PTPRK: variants seen among roughly 807,000 people sequenced by gnomAD.
PTPRK encodes the protein receptor-type tyrosine-protein phosphatase kappa.
A neutral mutation model predicts 178.0 loss-of-function variants in PTPRK; 75 were observed. The observed-to-expected ratio is 0.42, with a 90% CI of 0.35 to 0.51. The LOEUF is 0.51. PTPRK is among the 20% of genes least tolerant of loss of function. The pLI, the probability that PTPRK is intolerant of heterozygous loss-of-function variation, is 0.02. For synonymous variants in PTPRK, 637 were observed against 620.6 expected, an observed-to-expected ratio of 1.03 and a Z score of -0.39; for missense variants, 1,441 against 1,797.8, an observed-to-expected ratio of 0.80 and a Z score of 3.59.
chr6:128,513,778 C>T (rs1857520317), intron 1 of PTPRK, among the ~76,000 whole-genome samples: 1 of 152,132 alleles, frequency 6.6e-6, no homozygotes, highest in African/African-American at 2.4e-5. Context: ...TCACAAATTT[C>T]CAGATGATGC....
intron 6 of PTPRK, among the ~76,000 whole-genome samples, chr6:128,215,252 G>A (rs1416990443): frequency 6.6e-6 from 1 of 152,132 alleles, no homozygotes; most frequent in Non-Finnish European, 1.5e-5. Flanking sequence ...GTGGGTCTTC[G>A]GTTTAGACAG....
chr6:128,195,747 C>A (rs538571377), intron 6 of PTPRK, among the ~76,000 whole-genome samples: 1 of 152,046 alleles, frequency 6.6e-6, no homozygotes, highest in African/African-American at 2.4e-5. Flanking sequence ...ATAAGCCTCT[C>A]TTTGGATCAA....
chr6:128,511,514 G>C (rs1029535848), intron 1 of PTPRK, among the ~76,000 whole-genome samples: 3 of 152,152 alleles, frequency 2.0e-5, no homozygotes, highest in African/African-American at 7.2e-5. Flanking sequence ...TTCGGTGGGA[G>C]CTGCCACAGC....
chr6:128,460,717 C>A (rs1242889738), intron 1 of PTPRK, among the ~76,000 whole-genome samples: 1 of 152,190 alleles, frequency 6.6e-6, no homozygotes, highest in East Asian at 1.9e-4. Context: ...GGAGACACAA[C>A]TGCTGTCCCA....
intron 1 of PTPRK, among the ~76,000 whole-genome samples, chr6:128,401,187 G>A (rs1326380648): frequency 6.6e-6 from 1 of 152,154 alleles, no homozygotes; most frequent in Non-Finnish European, 1.5e-5. Flanking sequence ...CACTTAAGGG[G>A]TTGGCAACCT....
rs549969353 is a variant in PTPRK at position 128,459,673 on chromosome 6, C to T, written c.100+60586G>A. On this transcript the variant is annotated intron_variant, in intron 1 of 29. Transcript: ENST00000368226. ...TTCATGGGCTGCCATTTCTAATAAA[C>T]AAGACAATCATGGTACTTATCTATC... Among the ~76,000 whole-genome samples, 3 of 152,106 alleles carry T rather than the reference C, an allele frequency of 2.0e-5. No individual in the cohort carries two copies. The South Asian group carries it at 6.2e-4, about 32-fold the overall frequency.
At chr6:128,086,397 C>T (rs2115013656) in intron 8 of PTPRK, among the ~76,000 whole-genome samples, 1 of 152,050 alleles carries the variant, frequency 6.6e-6, no homozygotes, top group Non-Finnish European at 1.5e-5. Flanking sequence ...GAAAACAAAA[C>T]CTCATACAGA....
intron 1 of PTPRK, among the ~76,000 whole-genome samples, chr6:128,506,772 T>G (rs986776863): frequency 2.6e-5 from 4 of 152,068 alleles, no homozygotes; most frequent in African/African-American, 7.2e-5. Context: ...TATAAAGTGA[T>G]GCTTGTGGTC....
At chr6:128,101,312 AATG>A (rs1788737064) in intron 7 of PTPRK, among the ~76,000 whole-genome samples, 1 of 152,036 alleles carries the variant, frequency 6.6e-6, no homozygotes, top group Non-Finnish European at 1.5e-5. Flanking sequence ...ATGCTAATAT[AATG>A]TTTAAAACAA....
At chr6:128,265,777 T>G (rs2128295203) in intron 3 of PTPRK, among the ~76,000 whole-genome samples, 2 of 152,316 alleles carry the variant, frequency 1.3e-5, no homozygotes, top group Middle Eastern at 3.4e-3. Context: ...ATTAAAAATT[T>G]AAAAATTCAT....
intron 13 of PTPRK, among the ~76,000 whole-genome samples, chr6:128,051,841 C>T (rs889891366): frequency 2.6e-5 from 4 of 152,156 alleles, no homozygotes; most frequent in Non-Finnish European, 5.9e-5. Context: ...TGGTACCCTA[C>T]ACTTGGCTTT....
rs778751405 is a variant in PTPRK at position 128,520,370 on chromosome 6, G to A, written c.-12C>T. The A allele has an allele frequency of 1.3e-6, 2 of 1,598,138 alleles. No individual in the cohort carries two copies. The highest frequency in any genetic ancestry group is 2.3e-5 in the South Asian group (2 of 88,560). On this transcript the variant is annotated 5_prime_UTR_variant, in exon 1 of 30. Coordinates refer to ENST00000368226, the MANE Select transcript of PTPRK (RefSeq NM_002844.4). ...GCAGTCGTATCCATGCCGAGTTTGG[G>A]AGAAGTTTCAAGCAGCTTTGCAAAG...
intron 7 of PTPRK, among the ~76,000 whole-genome samples, chr6:128,144,975 AG>A: frequency 6.6e-6 from 1 of 152,278 alleles, no homozygotes; most frequent in Middle Eastern, 3.4e-3. Context: ...TCTCTCAGGA[AG>A]GGCAATACTG....
intron 1 of PTPRK, among the ~76,000 whole-genome samples, chr6:128,499,159 T>TA (rs1031132895): frequency 3.4e-4 from 50 of 145,054 alleles, no homozygotes; most frequent in East Asian, 2.4e-3. Context: ...GAAAAGTAAA[T>TA]AAAAAAAAAA....
chr6:128,328,969 C>G (rs1829921688), intron 2 of PTPRK, among the ~76,000 whole-genome samples: 1 of 151,918 alleles, frequency 6.6e-6, no homozygotes, highest in Non-Finnish European at 1.5e-5. Context: ...CATTATGTAA[C>G]CTCTGGGAAA....
intron 1 of PTPRK, among the ~76,000 whole-genome samples, chr6:128,416,665 A>AG (rs1393612723): frequency 1.1e-3 from 165 of 150,340 alleles, no homozygotes; most frequent in African/African-American, 3.9e-3. Flanking sequence ...AAAAAAAAAA[A>AG]GAACTGGAGA....
chr6:128,036,450 G>C (rs1776228819), intron 13 of PTPRK, among the ~76,000 whole-genome samples: 2 of 152,140 alleles, frequency 1.3e-5, no homozygotes, highest in Non-Finnish European at 2.9e-5. Context: ...TATTAGCCAT[G>C]AGCAAGAGAG....
chr6:128,194,190 A>G (rs1331788888), intron 6 of PTPRK, among the ~76,000 whole-genome samples: 1 of 151,280 alleles, frequency 6.6e-6, no homozygotes, highest in African/African-American at 2.4e-5. Context: ...GGTTCATGCC[A>G]TTCTCCTGCC....
chr6:128,090,444 A>G (rs1057114802), intron 7 of PTPRK, among the ~76,000 whole-genome samples: 2 of 152,242 alleles, frequency 1.3e-5, no homozygotes, highest in African/African-American at 4.8e-5. Flanking sequence ...TAACAATAAT[A>G]TACTACCATT....
Sources: gnomAD v4.1 joint callset for allele counts (sites outside exome capture counted in the v4.1 genomes callset) on GRCh38, gnomAD v4.1.1 for gene constraint, MANE v1.5 for transcripts, NCBI Gene and HGNC (gene_info 2026-07-23, HGNC 2026-07-21) for gene names.